ATRNL1: variants seen among roughly 807,000 people sequenced by gnomAD.
ATRNL1 encodes attractin-like protein 1.
A neutral mutation model predicts 182.7 loss-of-function variants in ATRNL1; 95 were observed. That is an observed-to-expected ratio of 0.52 (90% CI 0.44 to 0.62). ATRNL1 has a LOEUF of 0.62. Ranked by LOEUF, ATRNL1 falls within the 20% of genes least tolerant of loss-of-function variation. The pLI is 0.00. For synonymous variants in ATRNL1, 576 were observed against 568.3 expected (o/e 1.01, Z -0.19); for missense variants, 1,471 against 1,679.5 (o/e 0.88, Z 2.17).
chr10:115,556,631 G>T (rs528555869), intron 26 of ATRNL1, among the ~76,000 whole-genome samples: 1 of 152,028 alleles, frequency 6.6e-6, no homozygotes, highest in African/African-American at 2.4e-5. Flanking sequence ...TTCTTTATAA[G>T]GTGTTTAGTA....
In ATRNL1 at chr10:115,839,936, A is replaced by T. The variant is rs150305022; in HGVS notation, c.3904-7941A>T. Among the ~76,000 whole-genome samples, 107 of 152,308 alleles carry T rather than the reference A, an allele frequency of 7.0e-4. 3 individuals are homozygous for T. The East Asian group carries it at 0.016, about 23-fold the overall frequency. On this transcript the variant is annotated intron_variant, in intron 27 of 28. Transcript: ENST00000355044. ...GTAATACCAAGATCTTGATTTTTCTAACTTTCCCAATGGTTTACATCTATC... is the reference window on the plus strand; with the variant it reads ...GTAATACCAAGATCTTGATTTTTCTTACTTTCCCAATGGTTTACATCTATC...
chr10:115,500,105 A>T (rs1306589550), intron 24 of ATRNL1, among the ~76,000 whole-genome samples: 1 of 152,152 alleles, frequency 6.6e-6, no homozygotes, highest in African/African-American at 2.4e-5. Flanking sequence ...ACAAAGGAAC[A>T]ATCCTGGATA....
chr10:115,520,422 G>T (rs939266765), intron 25 of ATRNL1, among the ~76,000 whole-genome samples: 6 of 152,130 alleles, frequency 3.9e-5, no homozygotes, highest in Non-Finnish European at 7.4e-5. Context: ...GGTCTTCATC[G>T]CATCTATGCA....
intron 26 of ATRNL1, 61 bp downstream of exon 26, chr10:115,549,597 T>C: frequency 8.8e-7 from 1 of 1,138,144 alleles, no homozygotes; most frequent in South Asian, 1.6e-5. Flanking sequence ...GGATCTCTAT[T>C]GTCTGTTAAT....
intron 27 of ATRNL1, among the ~76,000 whole-genome samples, chr10:115,755,709 T>A (rs1948570549): frequency 6.6e-6 from 1 of 152,168 alleles, no homozygotes; most frequent in Non-Finnish European, 1.5e-5. Flanking sequence ...GGATTCCCTT[T>A]TTTTCTATTT....
intron 4 of ATRNL1, among the ~76,000 whole-genome samples, 170 bp downstream of exon 4, chr10:115,127,891 A>G (rs1469436167): frequency 2.6e-5 from 4 of 152,192 alleles, no homozygotes; most frequent in South Asian, 2.1e-4. Flanking sequence ...TCTTAATAAT[A>G]TGCCACAAAA....
intron 9 of ATRNL1, among the ~76,000 whole-genome samples, chr10:115,237,567 T>A (rs1177968727): frequency 6.6e-6 from 1 of 152,220 alleles, no homozygotes. Context: ...TTGCCTTTTT[T>A]AAAATTGAGC....
At chr10:115,135,179 T>C (rs1554876321) in intron 5 of ATRNL1, among the ~76,000 whole-genome samples, 3 of 152,114 alleles carry the variant, frequency 2.0e-5, no homozygotes, top group African/African-American at 4.8e-5. Context: ...TTGGAAGTTC[T>C]GGCCAGGGCA....
At chr10:115,356,592 T>A (rs1308413338) in intron 19 of ATRNL1, among the ~76,000 whole-genome samples, 2 of 152,010 alleles carry the variant, frequency 1.3e-5, no homozygotes, top group Non-Finnish European at 2.9e-5. Flanking sequence ...TTATTACTTA[T>A]TTCTGTTAGA....
At chr10:115,211,555 T>G (rs1554894989) in intron 8 of ATRNL1, among the ~76,000 whole-genome samples, 2 of 152,002 alleles carry the variant, frequency 1.3e-5, no homozygotes, top group African/African-American at 2.4e-5. Context: ...ATTTACTTAG[T>G]TTCTTGAATC....
At chr10:115,576,662 C>T (rs973247930) in intron 26 of ATRNL1, among the ~76,000 whole-genome samples, 9 of 151,934 alleles carry the variant, frequency 5.9e-5, no homozygotes, top group African/African-American at 9.7e-5. Flanking sequence ...GGTTTGCAAA[C>T]GTTTTCTCCC....
chr10:115,911,098 A>G (rs1234982817), intron 28 of ATRNL1, among the ~76,000 whole-genome samples: 4 of 151,158 alleles, frequency 2.6e-5, no homozygotes, highest in Admixed American at 2.0e-4. Context: ...TCCGCCTCCC[A>G]GGTTCTAACG....
At chr10:115,423,558 A>C (rs1554962317) in intron 20 of ATRNL1, among the ~76,000 whole-genome samples, 1 of 152,150 alleles carries the variant, frequency 6.6e-6, no homozygotes, top group Non-Finnish European at 1.5e-5. Context: ...ACAAACAAAC[A>C]AACAAGTTAA....
chr10:115,288,710 C>A (rs1852749723), intron 15 of ATRNL1, among the ~76,000 whole-genome samples: 1 of 151,676 alleles, frequency 6.6e-6, no homozygotes, highest in Admixed American at 6.6e-5. Flanking sequence ...TTAGTAGAGA[C>A]AGGGTTTCAC....
At chr10:115,630,452 A>G (rs782231517) in intron 26 of ATRNL1, among the ~76,000 whole-genome samples, 5 of 151,820 alleles carry the variant, frequency 3.3e-5, no homozygotes, top group Non-Finnish European at 7.4e-5. Flanking sequence ...AACAATACGG[A>G]CATTCCTCAA....
At chr10:115,311,780 A>C (rs978762718) in intron 17 of ATRNL1, among the ~76,000 whole-genome samples, 6 of 151,940 alleles carry the variant, frequency 3.9e-5, no homozygotes, top group Non-Finnish European at 7.4e-5. Flanking sequence ...TGAATTTGGC[A>C]GCTCTAGTGT....
chr10:115,522,085 G>A (rs1460895483), intron 25 of ATRNL1, among the ~76,000 whole-genome samples: 3 of 151,994 alleles, frequency 2.0e-5, no homozygotes, highest in Non-Finnish European at 2.9e-5. Context: ...ACATAATTGG[G>A]CCAGTACTAG....
At chr10:115,817,390 G>A (rs1182076579) in intron 27 of ATRNL1, among the ~76,000 whole-genome samples, 2 of 152,042 alleles carry the variant, frequency 1.3e-5, no homozygotes, top group African/African-American at 4.8e-5. Flanking sequence ...AGGAGTTCTA[G>A]CACCTGAAAG....
intron 27 of ATRNL1, among the ~76,000 whole-genome samples, chr10:115,812,400 C>T (rs576230602): frequency 6.6e-6 from 1 of 152,280 alleles, no homozygotes; most frequent in African/African-American, 2.4e-5. Flanking sequence ...TTCTACTCTA[C>T]ATGTAGCCTT....
Sources: gnomAD v4.1 joint callset for allele counts (sites outside exome capture counted in the v4.1 genomes callset) on GRCh38, gnomAD v4.1.1 for gene constraint, MANE v1.5 for transcripts, NCBI Gene and HGNC (gene_info 2026-07-23, HGNC 2026-07-21) for gene names.